SERPINA12: variants seen among roughly 807,000 people sequenced by gnomAD.
SERPINA12 encodes the protein serpin A12.
Under a neutral mutation model 25.9 loss-of-function variants are expected in SERPINA12, and 21 were observed. The observed-to-expected ratio is 0.81, with a 90% CI of 0.58 to 1.17. The LOEUF (loss-of-function observed/expected upper bound fraction) is 1.17. Among genes scored for constraint, SERPINA12 ranks in the 50% most tolerant of loss-of-function variants. The pLI is 0.00. For synonymous variants in SERPINA12, 220 were observed against 196.0 expected (o/e 1.12, Z -1.02); for missense variants, 562 against 508.3 (o/e 1.11, Z -1.02).
chr14:94,492,967 C>T (rs548530859), intron 3 of SERPINA12, among the ~76,000 whole-genome samples: 113 of 152,254 alleles, frequency 7.4e-4, no homozygotes, highest in Admixed American at 1.8e-3. Flanking sequence ...GGAAGTCATC[C>T]GAAGCCTAAA....
At chr14:94,511,070 C>A (rs1031445694), upstream of SERPINA12, among the ~76,000 whole-genome samples, 1 of 152,100 alleles carries the variant, frequency 6.6e-6, no homozygotes, top group Non-Finnish European at 1.5e-5. Flanking sequence ...CAAAAACCAC[C>A]TGTACCCCAA....
At chr14:94,489,536 C>T (rs1475380846) in intron 4 of SERPINA12, 84 bp downstream of exon 4, 1 of 1,475,492 alleles carries the variant, frequency 6.8e-7, no homozygotes, top group Non-Finnish European at 9.2e-7. Context: ...TCGGCTCTGA[C>T]AGCCACTGTG....
At chr14:94,491,112 C>T (rs1451414577) in intron 3 of SERPINA12, among the ~76,000 whole-genome samples, 1 of 152,176 alleles carries the variant, frequency 6.6e-6, no homozygotes, top group Non-Finnish European at 1.5e-5. Flanking sequence ...CTACTGTATA[C>T]CAGGTGCTGT....
chr14:94,513,996 G>T (rs1310900215), upstream of SERPINA12, among the ~76,000 whole-genome samples: 3 of 152,060 alleles, frequency 2.0e-5, no homozygotes, highest in African/African-American at 7.2e-5. Context: ...GCATGGTGCG[G>T]GCCTAGACTC....
Position 94,487,491 on chromosome 14 carries a change from C to T in SERPINA12, c.1057G>A (p.Val353Met), listed in dbSNP as rs1698149252. 6.2e-7 allele frequency: 1 copy of T among 1,609,148 alleles called. No individual in the cohort carries two copies. ...PHRSLKVGEA[V>M]HKAELKMDER... ...TCCATCTTCAGCTCAGCCTTGTGCA[C>T]AGCCTACGGAAGCCAAGGGCAAAGT... Residue 353 changes from valine (V) to methionine (M), a missense_variant, in exon 5 of 5, where the codon GTG (valine) becomes ATG (methionine). Val to Met is a conservative substitution (Grantham distance 21, BLOSUM62 1). Transcript: ENST00000677451.
chr14:94,511,771 G>A (rs1356558416), upstream of SERPINA12: 15 of 959,694 alleles, frequency 1.6e-5, no homozygotes, highest in Non-Finnish European at 1.9e-5. Context: ...GTGTGGGGGA[G>A]AGAGAAATAA....
rs1179758021 is a variant in SERPINA12 at position 94,498,201 on chromosome 14, T to C, written c.197A>G (p.Tyr66Cys). 2 of 1,614,206 alleles carry C rather than the reference T, an allele frequency of 1.2e-6. No homozygotes were observed. Among genetic ancestry groups the C allele is most frequent in the East Asian group, 2.2e-5 (1 of 44,876 alleles). ...TAGGAAGATGTTCCTGCCAGGGTTGTAAAAGGCCAGCTTCTTGAGCAGCTT... is the reference window on the plus strand; with the variant it reads ...TAGGAAGATGTTCCTGCCAGGGTTGCAAAAGGCCAGCTTCTTGAGCAGCTT... ...GFKLLKKLAF[Y>C]NPGRNIFLSP... Residue 66 changes from tyrosine (Y) to cysteine (C), a missense_variant, in exon 2 of 5, where the codon TAC becomes TGC. Transcript: ENST00000677451.
At chr14:94,506,140 T>A (rs1482504169) in intron 1 of SERPINA12, among the ~76,000 whole-genome samples, 2 of 152,194 alleles carry the variant, frequency 1.3e-5, no homozygotes, top group African/African-American at 4.8e-5. Flanking sequence ...TTGTCCAGCC[T>A]GGGAAGATTA....
chr14:94,489,892 C>T, intron 3 of SERPINA12, 125 bp from the exon 4 acceptor site: 1 of 937,684 alleles, frequency 1.1e-6, no homozygotes, highest in Non-Finnish European at 1.6e-6. Context: ...TCTCTCCATC[C>T]ACAGAATGAG....
At chr14:94,492,644 C>A (rs1447145251) in intron 3 of SERPINA12, among the ~76,000 whole-genome samples, 1 of 152,182 alleles carries the variant, frequency 6.6e-6, no homozygotes, top group African/African-American at 2.4e-5. Flanking sequence ...TAGCAGGGGG[C>A]CGTAGGTCCA....
At chr14:94,494,215 C>A (rs995966758) in intron 3 of SERPINA12, among the ~76,000 whole-genome samples, 1 of 152,218 alleles carries the variant, frequency 6.6e-6, no homozygotes, top group African/African-American at 2.4e-5. Context: ...GTTCTACACC[C>A]CCCAGTTCCC....
chr14:94,492,179 C>T (rs564315063), intron 3 of SERPINA12, among the ~76,000 whole-genome samples: 1 of 152,100 alleles, frequency 6.6e-6, no homozygotes, highest in Admixed American at 6.5e-5. Flanking sequence ...AACACAGACA[C>T]CCTTGGGACC....
intron 1 of SERPINA12, chr14:94,501,154 C>T: frequency 1.0e-6 from 1 of 985,320 alleles, no homozygotes; most frequent in Non-Finnish European, 1.2e-6. Context: ...GGAAGGAGTC[C>T]ATTTCAGGGT....
At position 94,498,843 on chromosome 14, in the gene SERPINA12, G is replaced by C. The variant is rs114916467; in HGVS notation, c.-33-413C>G. ...GTGTGGACCAAAATCAGACCTCTCA[G>C]TGTCTTTCTAAGGGAATGCAAAACC... On this transcript the variant is annotated intron_variant, in intron 1 of 4. Transcript: ENST00000677451. 2.8e-3 allele frequency among the ~76,000 whole-genome samples: 420 copies of C among 152,318 alleles called. 1 individual carries two copies. Among genetic ancestry groups the C allele is most frequent in the African/African-American group, 9.6e-3 (400 of 41,556 alleles).
chr14:94,496,684 G>GA (rs768494730), intron 2 of SERPINA12, 41 bp from the exon 3 acceptor site: 2 of 1,571,836 alleles, frequency 1.3e-6, no homozygotes, highest in Non-Finnish European at 1.7e-6. Context: ...TATCCCAAGG[G>GA]AAAAAAGGTG....
intron 1 of SERPINA12, among the ~76,000 whole-genome samples, chr14:94,498,946 G>T (rs937242712): frequency 2.0e-5 from 3 of 152,200 alleles, no homozygotes; most frequent in Admixed American, 6.5e-5. Flanking sequence ...TGTAGAAGGA[G>T]AGGAGAGTGA....
chr14:94,493,657 C>T (rs922095081), intron 3 of SERPINA12, among the ~76,000 whole-genome samples: 9 of 152,102 alleles, frequency 5.9e-5, no homozygotes, highest in Admixed American at 1.3e-4. Flanking sequence ...TTGGACTTCA[C>T]GAGACGCCAC....
At chr14:94,501,249 C>G (rs1219567370) in intron 1 of SERPINA12, 21 of 758,808 alleles carry the variant, frequency 2.8e-5, no homozygotes, top group Non-Finnish European at 3.4e-5. Flanking sequence ...TTCCCAGTGC[C>G]TAGGAGTGGA....
intron 1 of SERPINA12, among the ~76,000 whole-genome samples, chr14:94,505,728 C>G (rs982980276): frequency 6.6e-6 from 1 of 152,202 alleles, no homozygotes; most frequent in Non-Finnish European, 1.5e-5. Flanking sequence ...CTGCCCCAGA[C>G]ACTCTCTGCT....
Sources: allele counts gnomAD v4.1 joint callset (sites outside exome capture counted in the v4.1 genomes callset), GRCh38; gene constraint gnomAD v4.1.1; transcripts MANE v1.5; gene names NCBI Gene and HGNC (gene_info 2026-07-23, HGNC 2026-07-21).